Variants in COL4A2 observed in about 807,000 individuals in gnomAD.
The protein encoded by COL4A2 is collagen type IV alpha 2 chain.
Under a neutral mutation model 200.2 loss-of-function variants are expected in COL4A2, and 99 were observed. The ratio of observed to expected loss-of-function variants is 0.49; its 90% CI spans 0.42 to 0.58. The LOEUF (loss-of-function observed/expected upper bound fraction) is 0.58. COL4A2 is among the 20% of genes least tolerant of loss of function. The probability of loss-of-function intolerance (pLI) is 0.00; values close to 1 mark genes in which losing one functional copy is unlikely to be tolerated. For missense variants in COL4A2, 1,950 were observed against 2,314.1 expected, an observed-to-expected ratio of 0.84 and a Z score of 3.23; for synonymous variants, 897 against 900.6, an observed-to-expected ratio of 1.00 and a Z score of 0.07.
intron 4 of COL4A2, among the ~76,000 whole-genome samples, chr13:110,407,594 T>C (rs1036670556): frequency 3.9e-5 from 6 of 152,204 alleles, no homozygotes; most frequent in African/African-American, 1.2e-4. Flanking sequence ...AGAATTTGAA[T>C]GAAGGCAGCT....
rs184837242 is a variant in COL4A2 at position 110,477,844 on chromosome 13, C to T, written c.2426-159C>T. ...ACCGCTGGGTGATGGTGTGCCTTAC[C>T]TGATTTTATCCTTTATACTTCTTTG... is the stretch of plus-strand genomic sequence containing the variant. On this transcript the variant is annotated intron_variant, in intron 29 of 47. Transcript: ENST00000360467. 3.9e-4 allele frequency: 257 copies of T among 665,012 alleles called. No homozygotes were observed. The African/African-American group carries it at 4.3e-3, about 11-fold the overall frequency. The allele number at this position is 665,012 out of a possible 1,614,324, so 41.2% of individuals were successfully genotyped here.
At chr13:110,464,609 G>A (rs1055774206) in intron 24 of COL4A2, among the ~76,000 whole-genome samples, 5 of 152,120 alleles carry the variant, frequency 3.3e-5, no homozygotes, top group East Asian at 3.9e-4. Flanking sequence ...GCCCCGCTCC[G>A]TCATGCCTTT....
intron 30 of COL4A2, among the ~76,000 whole-genome samples, chr13:110,479,155 G>A (rs1277290914): frequency 6.6e-6 from 1 of 152,224 alleles, no homozygotes; most frequent in Non-Finnish European, 1.5e-5. Flanking sequence ...GGCCGTGCTG[G>A]TTCTCAACTA....
At chr13:110,429,854 T>C in intron 7 of COL4A2, 31 bp from the exon 8 acceptor site, 1 of 1,608,752 alleles carries the variant, frequency 6.2e-7, no homozygotes, top group Middle Eastern at 1.7e-4. Context: ...TTTTTGTTGT[T>C]TTTTCTTTTT....
At position 110,478,160 on chromosome 13, in the gene COL4A2, T is replaced by G; in HGVS notation, c.2583T>G (p.Arg861=). The part of the protein sequence containing the change: ...GPLGLPGIPG[R]EGLPGDRGDP... ...TGGGGCTGCCAGGAATCCCAGGCCG[T>G]GAAGGTAAGACCCCAGCCCTCCCAT... The change falls in exon 30 of 48, where the codon CGT becomes CGG. Residue 861 remains arginine, a synonymous_variant. Coordinates refer to ENST00000360467, the MANE Select transcript of COL4A2 (RefSeq NM_001846.4). 1 of 1,589,584 alleles carries G rather than the reference T, an allele frequency of 6.3e-7. No homozygotes were observed. Among genetic ancestry groups the G allele is most frequent in the Non-Finnish European group, 8.6e-7 (1 of 1,167,572 alleles).
At chr13:110,379,364 G>A (rs552370787) in intron 4 of COL4A2, among the ~76,000 whole-genome samples, 1 of 152,330 alleles carries the variant, frequency 6.6e-6, no homozygotes, top group East Asian at 1.9e-4. Flanking sequence ...TGCACCCGAG[G>A]GAAAGCCTTG....
intron 3 of COL4A2, among the ~76,000 whole-genome samples, chr13:110,348,160 G>A (rs1242419401): frequency 1.3e-5 from 2 of 152,214 alleles, no homozygotes; most frequent in Admixed American, 6.5e-5. Flanking sequence ...GACAGGCATC[G>A]ACGCAGTCAT....
At chr13:110,498,111 C>T (rs993054761) in intron 40 of COL4A2, among the ~76,000 whole-genome samples, 1 of 152,254 alleles carries the variant, frequency 6.6e-6, no homozygotes, top group East Asian at 1.9e-4. Flanking sequence ...TCTTGTTCTG[C>T]GTCTCACGTG....
In COL4A2 at chr13:110,485,763, C is replaced by G; in HGVS notation, c.3134C>G (p.Pro1045Arg). The G allele has an allele frequency of 6.2e-7, 1 of 1,613,938 alleles. No individual in the cohort carries two copies. Among genetic ancestry groups the G allele is most frequent in the Non-Finnish European group, 8.5e-7 (1 of 1,179,948 alleles). Reference protein sequence around the residue: ...VKGDIGVPGIPGLPGFPGVAG... With the variant: ...VKGDIGVPGIRGLPGFPGVAG... ...GGAGACATCGGAGTCCCCGGCATCC[C>G]CGGTTTGCCAGGATTCCCTGGGGTG... is the stretch of plus-strand genomic sequence containing the variant. Residue 1045 changes from proline (P) to arginine (R), a missense_variant, in exon 34 of 48, where the codon CCC becomes CGC. By Grantham distance (103) the Pro-to-Arg change is moderately radical (BLOSUM62 -2). Coordinates refer to ENST00000360467, the MANE Select transcript of COL4A2 (RefSeq NM_001846.4).
Position 110,414,824 on chromosome 13 carries a change from A to G in COL4A2, c.181-9910A>G, listed in dbSNP as rs1275627752. ...GCAAGACAAAGGTTGTTTTTGTATC[A>G]TAATGTATGAGAAGGAAATATTCTT... On this transcript the variant is annotated intron_variant, in intron 4 of 47. Transcript: ENST00000360467. Among the ~76,000 whole-genome samples the G allele has an allele frequency of 2.6e-5, 4 of 152,258 alleles. No homozygotes were observed. The South Asian group carries it at 8.3e-4, about 31-fold the overall frequency.
At chr13:110,458,995 T>A in intron 22 of COL4A2, 61 bp downstream of exon 22, 1 of 1,431,224 alleles carries the variant, frequency 7.0e-7, no homozygotes, top group Non-Finnish European at 9.2e-7. Context: ...AGGTGTCCCG[T>A]TCTTGCCTTT....
At chr13:110,334,379 C>A (rs1197274810) in intron 3 of COL4A2, among the ~76,000 whole-genome samples, 1 of 152,208 alleles carries the variant, frequency 6.6e-6, no homozygotes, top group Non-Finnish European at 1.5e-5. Flanking sequence ...TGCACGATGC[C>A]CTAAGGATTC....
chr13:110,406,781 G>A (rs1879587903), intron 4 of COL4A2, among the ~76,000 whole-genome samples: 1 of 152,124 alleles, frequency 6.6e-6, no homozygotes, highest in Admixed American at 6.5e-5. Context: ...AATTTAAGAA[G>A]CATGTATGTA....
At chr13:110,459,210 T>G (rs759303508) in intron 22 of COL4A2, 4 of 339,844 alleles carry the variant, frequency 1.2e-5, no homozygotes, top group African/African-American at 4.3e-5. Flanking sequence ...GAAATGCCAC[T>G]CCTGGTGTAT....
chr13:110,471,177 G>C (rs1263694631), intron 28 of COL4A2, among the ~76,000 whole-genome samples: 1 of 152,250 alleles, frequency 6.6e-6, no homozygotes, highest in East Asian at 1.9e-4. Context: ...GAGTATGAAA[G>C]TTCTCTGGTA....
At chr13:110,355,368 CACT>C (rs1566489662) in intron 3 of COL4A2, among the ~76,000 whole-genome samples, 1 of 88,764 alleles carries the variant, frequency 1.1e-5, no homozygotes, top group Admixed American at 1.1e-4. Context: ...GGGAGGGCTG[CACT>C]AGCTCACCTG....
In COL4A2 at chr13:110,308,151, T is replaced by TGCGCGCCCGAGAGTGGTTG. The variant is rs1326680118; in HGVS notation, c.99+30_99+48dup. Reference sequence around the variant, plus strand: ...AAGTCCTGGCTCCCGCGCTTGGACTTGCGCGCCCGAGAGTGGTTGGGACGT... The same window carrying TGCGCGCCCGAGAGTGGTTG: ...AAGTCCTGGCTCCCGCGCTTGGACTTGCGCGCCCGAGAGTGGTTGGCGCGCCCGAGAGTGGTTGGGACGT... On this transcript the variant is annotated intron_variant, in intron 3 of 47. Transcript: ENST00000360467. 1.9e-6 allele frequency: 3 copies of TGCGCGCCCGAGAGTGGTTG among 1,612,396 alleles called. No individual in the cohort carries two copies. In the Admixed American group the frequency reaches 5.0e-5, roughly 27 times the overall value.
At chr13:110,349,760 T>C (rs1277572200) in intron 3 of COL4A2, among the ~76,000 whole-genome samples, 1 of 152,006 alleles carries the variant, frequency 6.6e-6, no homozygotes, top group African/African-American at 2.4e-5. Flanking sequence ...TGGATTTTCA[T>C]ATCTTCTTTT....
intron 40 of COL4A2, among the ~76,000 whole-genome samples, chr13:110,497,740 T>C: frequency 6.7e-6 from 1 of 150,116 alleles, no homozygotes; most frequent in Non-Finnish European, 1.5e-5. Context: ...ACAGCCTCAG[T>C]CAGGGGTGAG....
Sources: allele counts gnomAD v4.1 joint callset (sites outside exome capture counted in the v4.1 genomes callset), GRCh38; gene constraint gnomAD v4.1.1; transcripts MANE v1.5; gene names NCBI Gene and HGNC (gene_info 2026-07-23, HGNC 2026-07-21).